RBMS3: variants seen among roughly 807,000 people sequenced by gnomAD.
The protein encoded by RBMS3 is RNA binding motif single stranded interacting protein 3.
A neutral mutation model predicts 66.8 loss-of-function variants in RBMS3; 27 were observed. That is an observed-to-expected ratio of 0.40 (90% confidence interval 0.30 to 0.56). The LOEUF (loss-of-function observed/expected upper bound fraction) is 0.56. RBMS3 is among the 20% of genes least tolerant of loss of function. The pLI, the probability that RBMS3 is intolerant of heterozygous loss-of-function variation, is 0.40. For missense variants in RBMS3, 513 were observed against 549.5 expected, an observed-to-expected ratio of 0.93 and a Z score of 0.66; for synonymous variants, 188 against 183.0, an observed-to-expected ratio of 1.03 and a Z score of -0.22.
At chr3:29,817,932 G>A (rs924240513) in intron 6 of RBMS3, among the ~76,000 whole-genome samples, 7 of 151,930 alleles carry the variant, frequency 4.6e-5, no homozygotes, top group Non-Finnish European at 1.0e-4. Flanking sequence ...TTGTTCCATC[G>A]TTTATTGAAG....
intron 1 of RBMS3, among the ~76,000 whole-genome samples, chr3:29,328,404 C>T (rs532724259): frequency 6.6e-6 from 1 of 152,096 alleles, no homozygotes; most frequent in Non-Finnish European, 1.5e-5. Context: ...AATGAAACGA[C>T]AAAAAGGACA....
chr3:29,444,788 C>CTTTTT (rs558839351), intron 2 of RBMS3, among the ~76,000 whole-genome samples: 5,323 of 50,386 alleles, frequency 0.11, 1,211 homozygotes, highest in East Asian at 0.18. Flanking sequence ...AAATATATGC[C>CTTTTT]TTTTTTTTTT....
intron 10 of RBMS3, among the ~76,000 whole-genome samples, chr3:29,900,281 G>A (rs2060221640): frequency 6.6e-6 from 1 of 151,722 alleles, no homozygotes; most frequent in African/African-American, 2.4e-5. Context: ...TCTGCTAATA[G>A]ATGAATTTAT....
At chr3:29,763,029 C>A in intron 6 of RBMS3, 40 bp downstream of exon 6, 2 of 1,336,492 alleles carry the variant, frequency 1.5e-6, no homozygotes, top group South Asian at 1.2e-5. Context: ...GATGCCGAGG[C>A]TTAAATTGCT....
intron 4 of RBMS3, among the ~76,000 whole-genome samples, chr3:29,661,313 G>T (rs2050538527): frequency 6.6e-6 from 1 of 152,116 alleles, no homozygotes; most frequent in African/African-American, 2.4e-5. Context: ...TCTGCTGGTT[G>T]TGTATAGAAT....
intron 4 of RBMS3, among the ~76,000 whole-genome samples, chr3:29,711,511 G>T (rs2053168108): frequency 6.6e-6 from 1 of 152,144 alleles, no homozygotes; most frequent in Non-Finnish European, 1.5e-5. Context: ...GAGATTGCCT[G>T]ATGGATACAG....
intron 8 of RBMS3, among the ~76,000 whole-genome samples, chr3:29,885,301 C>T (rs1451809966): frequency 6.6e-6 from 1 of 151,806 alleles, no homozygotes; most frequent in Non-Finnish European, 1.5e-5. Context: ...TAAAATTTCC[C>T]TCTAGAAGTG....
intron 1 of RBMS3, among the ~76,000 whole-genome samples, chr3:29,425,330 T>TG (rs1032720671): frequency 2.6e-5 from 4 of 151,728 alleles, no homozygotes; most frequent in African/African-American, 9.7e-5. Flanking sequence ...GCCGAGATTG[T>TG]GCCATTGCAC....
chr3:29,772,626 C>G (rs577711045), intron 6 of RBMS3, among the ~76,000 whole-genome samples: 1 of 151,772 alleles, frequency 6.6e-6, no homozygotes, highest in Non-Finnish European at 1.5e-5. Flanking sequence ...AATTTACAGC[C>G]GAGGAGCAGC....
intron 12 of RBMS3, among the ~76,000 whole-genome samples, chr3:29,953,004 A>C (rs1310227793): frequency 6.6e-6 from 1 of 151,968 alleles, no homozygotes; most frequent in East Asian, 1.9e-4. Flanking sequence ...ACCAAGGATC[A>C]ACTATAGTCA....
chr3:29,936,280 A>G, intron 11 of RBMS3, 84 bp downstream of exon 11: 1 of 1,260,688 alleles, frequency 7.9e-7, no homozygotes, highest in Non-Finnish European at 1.1e-6. Flanking sequence ...TATCAGTGAA[A>G]CTGTGTCTGT....
At chr3:29,730,188 A>G (rs1359327891) in intron 4 of RBMS3, among the ~76,000 whole-genome samples, 2 of 151,786 alleles carry the variant, frequency 1.3e-5, no homozygotes, top group East Asian at 3.9e-4. Flanking sequence ...TTTATCAAAA[A>G]TTTAAATTTA....
chr3:29,756,400 C>CA (rs1210605648), intron 5 of RBMS3, among the ~76,000 whole-genome samples: 12 of 152,054 alleles, frequency 7.9e-5, no homozygotes, highest in African/African-American at 2.9e-4. Flanking sequence ...TTCATGGACT[C>CA]ACAGATCCAC....
chr3:29,875,216 C>T (rs2059584589), intron 7 of RBMS3, among the ~76,000 whole-genome samples: 1 of 151,876 alleles, frequency 6.6e-6, no homozygotes. Context: ...TTCAGAATTA[C>T]CCCCACTAAT....
intron 5 of RBMS3, among the ~76,000 whole-genome samples, chr3:29,755,800 A>G (rs2149372683): frequency 6.6e-6 from 1 of 152,336 alleles, no homozygotes; most frequent in South Asian, 2.1e-4. Flanking sequence ...TTCCATAGGC[A>G]GAACCCAATG....
intron 12 of RBMS3, among the ~76,000 whole-genome samples, chr3:29,967,022 G>T (rs1454323402): frequency 6.6e-6 from 1 of 152,156 alleles, no homozygotes; most frequent in Non-Finnish European, 1.5e-5. Flanking sequence ...AACCATCCCT[G>T]CATCTCTGGT....
chr3:29,736,880 G>GT (rs1182721158), intron 4 of RBMS3, among the ~76,000 whole-genome samples: 1 of 152,154 alleles, frequency 6.6e-6, no homozygotes, highest in Non-Finnish European at 1.5e-5. Context: ...TCTGCAAACA[G>GT]TATCTAGCTA....
At chr3:29,489,645 G>T (rs2043453612) in intron 3 of RBMS3, among the ~76,000 whole-genome samples, 1 of 148,788 alleles carries the variant, frequency 6.7e-6, no homozygotes, top group Non-Finnish European at 1.5e-5. Context: ...GGGAAATGAA[G>T]TTTATAAAGT....
chr3:29,669,628 G>A lies in RBMS3; in HGVS notation c.400-70092G>A, dbSNP rs145159609. ...ATTTAAAAACAAAGCTGTCATTGAG[G>A]TGTTAGATTAAATGACTCCTAGAAA... On this transcript the variant is annotated intron_variant, in intron 4 of 14. Transcript: ENST00000383767. 5.3e-5 allele frequency among the ~76,000 whole-genome samples: 8 copies of A among 151,472 alleles called. No homozygotes were observed. In the East Asian group the frequency reaches 1.2e-3, roughly 22 times the overall value.
Sources: gnomAD v4.1 joint callset for allele counts (sites outside exome capture counted in the v4.1 genomes callset) on GRCh38, gnomAD v4.1.1 for gene constraint, MANE v1.5 for transcripts, NCBI Gene and HGNC (gene_info 2026-07-23, HGNC 2026-07-21) for gene names.